The following CDC42SE2 variants were observed in gnomAD, a reference collection of about 807,000 sequenced individuals.
CDC42SE2 encodes the protein CDC42 small effector protein 2.
CDC42SE2 carries 3 observed loss-of-function variants against 11.5 expected under a neutral mutation model. The ratio of observed to expected loss-of-function variants is 0.26; its 90% CI spans 0.12 to 0.67. The LOEUF is 0.67. CDC42SE2 is among the 30% of genes least tolerant of loss of function. The pLI is 0.80. For synonymous variants in CDC42SE2, 33 were observed against 34.8 expected, an observed-to-expected ratio of 0.95 and a Z score of 0.18; for missense variants, 82 against 106.8, an observed-to-expected ratio of 0.77 and a Z score of 1.02.
intron 2 of CDC42SE2, among the ~76,000 whole-genome samples, chr5:131,347,290 G>C (rs1469796327): frequency 6.6e-6 from 1 of 152,082 alleles, no homozygotes; most frequent in Non-Finnish European, 1.5e-5. Flanking sequence ...GAATCAAATA[G>C]ATGCAATAAA....
chr5:131,295,590 T>TTA (rs769995977), intron 1 of CDC42SE2, among the ~76,000 whole-genome samples: 5 of 152,098 alleles, frequency 3.3e-5, no homozygotes, highest in Non-Finnish European at 7.3e-5. Flanking sequence ...ATGCATGGAA[T>TTA]CTTACTGGAA....
chr5:131,210,239 A>G, the CDC42SE2 span, among the ~76,000 whole-genome samples: 1 of 152,226 alleles, frequency 6.6e-6, no homozygotes, highest in African/African-American at 2.4e-5. Context: ...AAACAGACTG[A>G]TACAGAGGTG....
At chr5:131,218,752 G>T in the CDC42SE2 span, among the ~76,000 whole-genome samples, 1 of 152,266 alleles carries the variant, frequency 6.6e-6, no homozygotes, top group East Asian at 1.9e-4. Flanking sequence ...CTTGTTGTTG[G>T]GGAGGAAATC....
upstream of CDC42SE2, among the ~76,000 whole-genome samples, chr5:131,242,081 C>T (rs1408013272): frequency 3.3e-5 from 5 of 152,146 alleles, no homozygotes; most frequent in Non-Finnish European, 5.9e-5. Context: ...TATCAGATAT[C>T]TGAATTTTAT....
intron 2 of CDC42SE2, among the ~76,000 whole-genome samples, chr5:131,332,027 T>C (rs1758428669): frequency 6.6e-6 from 1 of 152,216 alleles, no homozygotes; most frequent in African/African-American, 2.4e-5. Flanking sequence ...GCAAGTTTGT[T>C]ACATATGTAT....
intron 3 of CDC42SE2, among the ~76,000 whole-genome samples, chr5:131,382,277 GA>G (rs1750349389): frequency 6.6e-6 from 1 of 152,176 alleles, no homozygotes; most frequent in East Asian, 1.9e-4. Flanking sequence ...CATGTTTGCT[GA>G]ATTATTGTTT....
chr5:131,251,056 T>C (rs915562221), intron 1 of CDC42SE2, among the ~76,000 whole-genome samples: 68 of 152,204 alleles, frequency 4.5e-4, no homozygotes, highest in Non-Finnish European at 1.8e-4. Context: ...TCATTAATTT[T>C]AAATTTTTTA....
chr5:131,329,730 T>C (rs911920560), intron 2 of CDC42SE2, among the ~76,000 whole-genome samples: 3 of 150,980 alleles, frequency 2.0e-5, no homozygotes, highest in African/African-American at 7.3e-5. Context: ...AATACAAAAA[T>C]TAACTGGGCA....
At chr5:131,354,712 T>C (rs991610304) in intron 2 of CDC42SE2, 6 of 152,220 alleles carry the variant, frequency 3.9e-5, no homozygotes, top group Admixed American at 6.5e-5. Context: ...TATAGCAGAA[T>C]AATGCTATTT....
chr5:131,382,832 C>T (rs989401872), intron 3 of CDC42SE2, among the ~76,000 whole-genome samples: 9 of 152,110 alleles, frequency 5.9e-5, no homozygotes, highest in Admixed American at 3.9e-4. Context: ...TGAGAAAATT[C>T]GTATCCTGTG....
chr5:131,223,585 C>G, the CDC42SE2 span, among the ~76,000 whole-genome samples: 1 of 152,138 alleles, frequency 6.6e-6, no homozygotes, highest in Admixed American at 6.5e-5. Flanking sequence ...TTACTAGATC[C>G]TAATTCCTCT....
intron 1 of CDC42SE2, among the ~76,000 whole-genome samples, chr5:131,308,958 C>T (rs1757837901): frequency 6.7e-6 from 1 of 149,830 alleles, no homozygotes; most frequent in African/African-American, 2.5e-5. Flanking sequence ...GCCTAATTGC[C>T]CTGGCCAGAA....
upstream of CDC42SE2, among the ~76,000 whole-genome samples, chr5:131,240,840 C>G (rs1353057090): frequency 6.6e-6 from 1 of 152,180 alleles, no homozygotes; most frequent in Non-Finnish European, 1.5e-5. Context: ...ATGCCATAAT[C>G]TAATTCATTT....
chr5:131,238,074 G>A, the CDC42SE2 span, among the ~76,000 whole-genome samples: 1 of 149,302 alleles, frequency 6.7e-6, no homozygotes, highest in South Asian at 2.1e-4. Flanking sequence ...TATTCTTCAT[G>A]TTTCAGAACC....
At chr5:131,290,830 G>T (rs1427011034) in intron 1 of CDC42SE2, among the ~76,000 whole-genome samples, 1 of 151,914 alleles carries the variant, frequency 6.6e-6, no homozygotes, top group East Asian at 1.9e-4. Flanking sequence ...TACTTTACAG[G>T]CCAGCGAACA....
chr5:131,232,319 GC>G, the CDC42SE2 span, among the ~76,000 whole-genome samples: 1 of 151,674 alleles, frequency 6.6e-6, no homozygotes, highest in South Asian at 2.1e-4. Context: ...TCTCCATGTT[GC>G]CCAGGCTGGT....
At position 131,347,605 on chromosome 5, in the gene CDC42SE2, C is replaced by T. The variant is rs148119951; in HGVS notation, c.-285-11604C>T. 5.9e-3 allele frequency among the ~76,000 whole-genome samples: 904 copies of T among 152,220 alleles called. 10 individuals carry two copies. The highest frequency in any genetic ancestry group is 0.021 in the African/African-American group (874 of 41,546). ...GCTGGTACCATTCCTTCTGAAACTA[C>T]TCCAATCAATAGAAAAAGAGGGAAT... On this transcript the variant is annotated intron_variant, in intron 2 of 4. Transcript: ENST00000505065.
At chr5:131,242,600 AT>A (rs1756548568), upstream of CDC42SE2, among the ~76,000 whole-genome samples, 1 of 152,142 alleles carries the variant, frequency 6.6e-6, no homozygotes, top group Admixed American at 6.5e-5. Flanking sequence ...ATTCATTTCT[AT>A]CACATCTGTC....
chr5:131,220,080 G>A, the CDC42SE2 span, among the ~76,000 whole-genome samples: 3 of 152,200 alleles, frequency 2.0e-5, no homozygotes, highest in African/African-American at 7.2e-5. Flanking sequence ...GGATTACTGA[G>A]AAACACTGAA....
Sources: gnomAD v4.1 joint callset for allele counts (sites outside exome capture counted in the v4.1 genomes callset) on GRCh38, gnomAD v4.1.1 for gene constraint, MANE v1.5 for transcripts, NCBI Gene and HGNC (gene_info 2026-07-23, HGNC 2026-07-21) for gene names.